AFF3: variants seen among roughly 807,000 people sequenced by gnomAD.
AFF3 encodes AF4/FMR2 family member 3.
Under a neutral mutation model 129.7 loss-of-function variants are expected in AFF3, and 32 were observed. The observed-to-expected ratio is 0.25, with a 90% confidence interval of 0.19 to 0.33. The LOEUF (loss-of-function observed/expected upper bound fraction) is 0.33. Among genes scored for constraint, AFF3 ranks in the 10% least tolerant of loss-of-function variants. AFF3 has a pLI of 1.00. For synonymous variants in AFF3, 644 were observed against 635.4 expected, an observed-to-expected ratio of 1.01 and a Z score of -0.20; for missense variants, 1,373 against 1,592.0, an observed-to-expected ratio of 0.86 and a Z score of 2.34.
At chr2:100,016,093 G>A (rs892014241) in intron 4 of AFF3, among the ~76,000 whole-genome samples, 5 of 151,578 alleles carry the variant, frequency 3.3e-5, no homozygotes, top group East Asian at 1.9e-4. Context: ...GGTGGTGGTA[G>A]TGGTAGTGAT....
At chr2:99,972,286 A>G (rs375788440) in intron 7 of AFF3, among the ~76,000 whole-genome samples, 1 of 152,164 alleles carries the variant, frequency 6.6e-6, no homozygotes, top group African/African-American at 2.4e-5. Flanking sequence ...GGAAGACCCA[A>G]AGATCTATCC....
intron 4 of AFF3, among the ~76,000 whole-genome samples, chr2:100,027,065 C>T (rs1684110724): frequency 1.3e-5 from 2 of 151,910 alleles, no homozygotes; most frequent in Non-Finnish European, 2.9e-5. Flanking sequence ...ACCTGTACCC[C>T]AATAACCTAT....
intron 13 of AFF3, among the ~76,000 whole-genome samples, chr2:99,643,883 C>G (rs1485999174): frequency 6.6e-6 from 1 of 152,164 alleles, no homozygotes; most frequent in Non-Finnish European, 1.5e-5. Flanking sequence ...TAATGGGCAA[C>G]AAGGAGATTG....
At position 99,672,610 on chromosome 2, in the gene AFF3, G is replaced by A. The variant is rs371874862; in HGVS notation, c.1092-21C>T. 9.9e-6 allele frequency: 16 copies of A among 1,610,376 alleles called. No homozygotes were observed. The African/African-American group carries it at 1.9e-4, about 19-fold the overall frequency. On this transcript the variant is annotated intron_variant, in intron 11 of 24. Coordinates refer to ENST00000672756, the MANE Select transcript of AFF3 (RefSeq NM_001386135.1). ...GCATTCTGAAAGAAGGAACAAAGAG[G>A]TACAAAGAGGTACAGATAGTTAGTG... is the stretch of plus-strand genomic sequence containing the variant.
intron 1 of AFF3, among the ~76,000 whole-genome samples, chr2:100,139,540 G>T (rs1336616282): frequency 6.6e-6 from 1 of 152,066 alleles, no homozygotes; most frequent in Non-Finnish European, 1.5e-5. Context: ...CCCATTTTTA[G>T]TGCAGATAAA....
In AFF3 at chr2:99,727,131, TA is replaced by T. The variant is rs35992381; in HGVS notation, c.1040-4del. 1 of 1,608,698 alleles carries T rather than the reference TA, an allele frequency of 6.2e-7. No homozygotes were observed. The highest frequency in any genetic ancestry group is 8.5e-7 in the Non-Finnish European group (1 of 1,178,442). On this transcript the variant is annotated splice_region_variant and splice_polypyrimidine_tract_variant and intron_variant, in intron 10 of 24. Transcript: ENST00000672756. ...CTCTGGCTCTGCATCACCTTTCTCTTAAAAAGGAAGCAGAAAAAAATACCGA... is the reference window on the plus strand; with the variant it reads ...CTCTGGCTCTGCATCACCTTTCTCTTAAAAGGAAGCAGAAAAAAATACCGA...
At chr2:100,015,162 C>T (rs1334533097) in intron 4 of AFF3, among the ~76,000 whole-genome samples, 4 of 152,014 alleles carry the variant, frequency 2.6e-5, no homozygotes, top group Non-Finnish European at 5.9e-5. Flanking sequence ...ATGTGGTTTA[C>T]CCACTGCTAA....
intron 1 of AFF3, among the ~76,000 whole-genome samples, chr2:100,141,734 T>C (rs1692886668): frequency 6.6e-6 from 1 of 152,212 alleles, no homozygotes. Flanking sequence ...ATTAGTTCTC[T>C]TTGGTTTCAA....
At chr2:99,929,242 G>A (rs772975932) in intron 7 of AFF3, among the ~76,000 whole-genome samples, 17 of 152,034 alleles carry the variant, frequency 1.1e-4, no homozygotes, top group Admixed American at 8.5e-4. Flanking sequence ...CAGGAGAATC[G>A]CTTGAACCCA....
At chr2:99,947,029 G>T (rs961844716) in intron 7 of AFF3, among the ~76,000 whole-genome samples, 1 of 152,118 alleles carries the variant, frequency 6.6e-6, no homozygotes, top group Admixed American at 6.5e-5. Flanking sequence ...TGATTCGGTC[G>T]TTCATTAGGT....
intron 13 of AFF3, among the ~76,000 whole-genome samples, chr2:99,607,154 G>A (rs1361004811): frequency 1.3e-5 from 2 of 152,040 alleles, no homozygotes; most frequent in Admixed American, 1.3e-4. Context: ...TAAATGATCT[G>A]CTTGGTGTGT....
At chr2:100,047,223 G>A (rs888308625) in intron 4 of AFF3, among the ~76,000 whole-genome samples, 6 of 152,218 alleles carry the variant, frequency 3.9e-5, no homozygotes, top group South Asian at 2.1e-4. Context: ...CACATGCTAC[G>A]TGGACAAGTC....
At chr2:100,025,243 T>C (rs187078831) in intron 4 of AFF3, among the ~76,000 whole-genome samples, 64 of 152,030 alleles carry the variant, frequency 4.2e-4, no homozygotes, top group Admixed American at 4.1e-3. Flanking sequence ...AGCTCTCCTA[T>C]ACACCAACAG....
intron 7 of AFF3, among the ~76,000 whole-genome samples, chr2:99,961,825 G>A (rs1160916168): frequency 1.3e-5 from 2 of 152,194 alleles, no homozygotes; most frequent in African/African-American, 4.8e-5. Context: ...CCCGGTAAGT[G>A]CATTCCTTCT....
At chr2:99,811,510 A>G (rs758503765) in intron 8 of AFF3, among the ~76,000 whole-genome samples, 1 of 152,166 alleles carries the variant, frequency 6.6e-6, no homozygotes, top group Non-Finnish European at 1.5e-5. Flanking sequence ...CCCGTACTGC[A>G]AACACCTTTA....
At chr2:100,075,665 G>T (rs140638354) in intron 4 of AFF3, among the ~76,000 whole-genome samples, 120 of 152,216 alleles carry the variant, frequency 7.9e-4, no homozygotes, top group African/African-American at 2.8e-3. Context: ...ACTATAATTA[G>T]GGAAAATCTC....
intron 7 of AFF3, among the ~76,000 whole-genome samples, chr2:99,988,905 G>A (rs1214753042): frequency 6.6e-6 from 1 of 152,156 alleles, no homozygotes; most frequent in African/African-American, 2.4e-5. Context: ...ATGATATGGA[G>A]GTTGAACTAA....
intron 17 of AFF3, among the ~76,000 whole-genome samples, chr2:99,581,882 T>C (rs1575419147): frequency 7.4e-6 from 1 of 134,262 alleles, no homozygotes; most frequent in East Asian, 2.2e-4. Context: ...TGAGACAGAG[T>C]CTTGCTGTGT....
At chr2:99,853,552 G>A (rs1000602465) in intron 7 of AFF3, among the ~76,000 whole-genome samples, 3 of 152,124 alleles carry the variant, frequency 2.0e-5, no homozygotes, top group Admixed American at 1.3e-4. Flanking sequence ...ATCGAGTATC[G>A]TAATTTTCCA....
Sources: gnomAD v4.1 joint callset for allele counts (sites outside exome capture counted in the v4.1 genomes callset) on GRCh38, gnomAD v4.1.1 for gene constraint, MANE v1.5 for transcripts, NCBI Gene and HGNC (gene_info 2026-07-23, HGNC 2026-07-21) for gene names.